The following SUN3 variants were observed in gnomAD, a reference collection of about 807,000 sequenced individuals.
The protein encoded by SUN3 is Sad1 and UNC84 domain containing 3.
A neutral mutation model predicts 48.2 loss-of-function variants in SUN3; 36 were observed. The observed-to-expected ratio is 0.75, with a 90% CI of 0.57 to 0.99. The LOEUF (loss-of-function observed/expected upper bound fraction) is 0.99. Among genes scored for constraint, SUN3 ranks in the 50% least tolerant of loss-of-function variants. The pLI, the probability that SUN3 is intolerant of heterozygous loss-of-function variation, is 0.00. For synonymous variants in SUN3, 148 were observed against 147.9 expected (o/e 1.00, Z 0.00); for missense variants, 419 against 433.1 (o/e 0.97, Z 0.29).
At chr7:47,999,533 T>C (rs1266876771) in intron 6 of SUN3, among the ~76,000 whole-genome samples, 2 of 152,212 alleles carry the variant, frequency 1.3e-5, no homozygotes, top group African/African-American at 4.8e-5. Context: ...AATTTTTTAT[T>C]TATTTTTTAT....
Position 47,996,959 on chromosome 7 carries a change from G to A in SUN3, c.578-813C>T, listed in dbSNP as rs186252195. On this transcript the variant is annotated intron_variant, in intron 6 of 9. Transcript: ENST00000297325. ...TGGGACTACAGGCGCCCGCCACCAC[G>A]CCGGCTAAGTTTTTGTATTTTTAGT... 3.0e-3 allele frequency among the ~76,000 whole-genome samples: 451 copies of A among 151,828 alleles called. 6 individuals are homozygous for A. The highest frequency in any genetic ancestry group is 0.01 in the African/African-American group (420 of 41,414).
chr7:48,000,767 C>A (rs1789340101), intron 6 of SUN3, among the ~76,000 whole-genome samples: 1 of 150,720 alleles, frequency 6.6e-6, no homozygotes, highest in South Asian at 2.1e-4. Flanking sequence ...GTATTTTCAT[C>A]TTTGATTTTG....
intron 2 of SUN3, among the ~76,000 whole-genome samples, chr7:48,018,804 C>T (rs77109153): frequency 6.6e-6 from 1 of 151,966 alleles, no homozygotes; most frequent in South Asian, 2.1e-4. Context: ...AAGTATGGCA[C>T]ATTCAAAAAG....
chr7:48,035,601 G>A, the SUN3 span: 3 of 693,832 alleles, frequency 4.3e-6, no homozygotes, highest in Non-Finnish European at 5.2e-6. This position sits in a 1 kb window ranked among gnomAD's most constrained non-coding sequence, Gnocchi z 4.0. Context: ...GGCGCCGCGG[G>A]CAGCACCCAC....
intron 8 of SUN3, chr7:47,990,996 G>A (rs1164495286): frequency 2.2e-6 from 1 of 455,232 alleles, no homozygotes; most frequent in East Asian, 7.0e-5. Context: ...TACCTGTTGG[G>A]TATTACTACT....
chr7:47,999,864 A>G (rs950062930), intron 6 of SUN3, among the ~76,000 whole-genome samples: 6 of 152,170 alleles, frequency 3.9e-5, no homozygotes, highest in African/African-American at 1.2e-4. Flanking sequence ...TAGCTTTTGG[A>G]TATCTCTGTA....
intron 2 of SUN3, among the ~76,000 whole-genome samples, chr7:48,023,208 T>A (rs1298993527): frequency 2.6e-5 from 4 of 152,126 alleles, no homozygotes; most frequent in Non-Finnish European, 5.9e-5. Context: ...TGTTTATGGG[T>A]ACCCAATGTG....
intron 2 of SUN3, among the ~76,000 whole-genome samples, chr7:48,024,998 G>A (rs1562614976): frequency 6.6e-6 from 1 of 152,146 alleles, no homozygotes; most frequent in Non-Finnish European, 1.5e-5. Flanking sequence ...ATGTAAAATA[G>A]TGCAGCCATT....
rs760445294 is a variant in SUN3, at chr7:48,025,957, T to C, written c.123-19A>G. On this transcript the variant is annotated intron_variant, in intron 1 of 9. Transcript: ENST00000297325. ...AGTTACCCTAAAAGAATAAAAACAA[T>C]GATTAGAAAAAGAATTTAACAACAT... is the stretch of plus-strand genomic sequence containing the variant. 1 of 1,549,136 alleles carries C rather than the reference T, an allele frequency of 6.5e-7. No individual in the cohort carries two copies.
chr7:48,031,698 A>G (rs1030065614), upstream of SUN3, among the ~76,000 whole-genome samples: 1 of 152,232 alleles, frequency 6.6e-6, no homozygotes, highest in South Asian at 2.1e-4. Context: ...ACTTCTGGGT[A>G]TATATATCCA....
intron 3 of SUN3, among the ~76,000 whole-genome samples, chr7:48,014,145 C>T (rs901202918): frequency 6.6e-6 from 1 of 152,068 alleles, no homozygotes; most frequent in Non-Finnish European, 1.5e-5. Context: ...TTTTGATGTT[C>T]AGGCTGGTCT....
At chr7:48,013,340 A>T (rs1265999656) in intron 3 of SUN3, among the ~76,000 whole-genome samples, 1 of 152,158 alleles carries the variant, frequency 6.6e-6, no homozygotes. Context: ...TGTAATATAT[A>T]TTTAGTGTTC....
At chr7:48,014,531 C>A (rs1012575674) in intron 3 of SUN3, among the ~76,000 whole-genome samples, 3 of 152,144 alleles carry the variant, frequency 2.0e-5, no homozygotes, top group African/African-American at 7.2e-5. Context: ...GATGCACCTA[C>A]ACCTGGATAT....
At chr7:48,029,594 C>T (rs1471382738), upstream of SUN3, among the ~76,000 whole-genome samples, 1 of 152,168 alleles carries the variant, frequency 6.6e-6, no homozygotes, top group Non-Finnish European at 1.5e-5. Context: ...TTTCATTATA[C>T]ATACATCACA....
intron 6 of SUN3, among the ~76,000 whole-genome samples, chr7:48,001,763 C>T (rs573805071): frequency 2.0e-5 from 3 of 152,104 alleles, no homozygotes; most frequent in South Asian, 4.1e-4. Context: ...GTCTCGATCT[C>T]CTGACCTTGT....
intron 8 of SUN3, among the ~76,000 whole-genome samples, chr7:47,990,192 T>A (rs1037369819): frequency 6.6e-6 from 1 of 152,184 alleles, no homozygotes; most frequent in Non-Finnish European, 1.5e-5. Flanking sequence ...GGCAATGGAA[T>A]GTCTCGGTGT....
At chr7:47,992,793 A>G (rs1478247167) in intron 8 of SUN3, among the ~76,000 whole-genome samples, 1 of 152,182 alleles carries the variant, frequency 6.6e-6, no homozygotes, top group Non-Finnish European at 1.5e-5. Flanking sequence ...ATGGGGGAAT[A>G]TTTGTACTTC....
At chr7:48,001,687 C>T (rs867515645) in intron 6 of SUN3, among the ~76,000 whole-genome samples, 3 of 151,932 alleles carry the variant, frequency 2.0e-5, no homozygotes, top group Non-Finnish European at 2.9e-5. Context: ...GTGCCCGCCA[C>T]CACGCCCAGC....
intron 2 of SUN3, among the ~76,000 whole-genome samples, chr7:48,019,977 CAAAAAAAAA>C (rs869166401): frequency 6.2e-5 from 4 of 64,150 alleles, no homozygotes; most frequent in African/African-American, 1.7e-4. Flanking sequence ...AAAGACACAT[CAAAAAAAAA>C]AAAAAAAAAA....
Sources: gnomAD v4.1 joint callset for allele counts (sites outside exome capture counted in the v4.1 genomes callset) on GRCh38, gnomAD v4.1.1 for gene constraint, Gnocchi (gnomAD v3.1) non-coding constraint, MANE v1.5 for transcripts, NCBI Gene and HGNC (gene_info 2026-07-23, HGNC 2026-07-21) for gene names.